Variants in TMEM132C observed in about 807,000 individuals in gnomAD.
TMEM132C encodes transmembrane protein 132C, also known as protein phosphatase 1, regulatory subunit 152.
TMEM132C carries 29 observed loss-of-function variants against 61.4 expected under a neutral mutation model. The ratio of observed to expected loss-of-function variants is 0.47; its 90% confidence interval spans 0.35 to 0.64. TMEM132C has a LOEUF of 0.64. Ranked by LOEUF, TMEM132C falls within the 30% of genes least tolerant of loss-of-function variation. The pLI, the probability that TMEM132C is intolerant of heterozygous loss-of-function variation, is 0.00. For synonymous variants in TMEM132C, 656 were observed against 633.1 expected (o/e 1.04, Z -0.54); for missense variants, 1,408 against 1,476.9 (o/e 0.95, Z 0.76).
At chr12:128,340,040 G>C (rs1243068513) in intron 1 of TMEM132C, among the ~76,000 whole-genome samples, 1 of 152,182 alleles carries the variant, frequency 6.6e-6, no homozygotes, top group African/African-American at 2.4e-5. Context: ...TTTACAGGGG[G>C]CTTCTATGTC....
chr12:128,601,204 C>T (rs559032266), intron 3 of TMEM132C, among the ~76,000 whole-genome samples: 6 of 152,206 alleles, frequency 3.9e-5, no homozygotes, highest in Non-Finnish European at 7.3e-5. Context: ...AGGCTGATAG[C>T]TTCAAAGGAT....
chr12:128,327,169 A>G (rs1398160600), intron 1 of TMEM132C, among the ~76,000 whole-genome samples: 1 of 149,974 alleles, frequency 6.7e-6, no homozygotes, highest in Non-Finnish European at 1.5e-5. Flanking sequence ...ATTGCTTAAT[A>G]AGGAAGACAG....
At chr12:128,472,528 G>A (rs1870986861) in intron 2 of TMEM132C, among the ~76,000 whole-genome samples, 1 of 152,246 alleles carries the variant, frequency 6.6e-6, no homozygotes, top group African/African-American at 2.4e-5. Context: ...GGGAACATGT[G>A]TGCACGGAGT....
intron 1 of TMEM132C, among the ~76,000 whole-genome samples, chr12:128,355,824 C>T (rs1357018996): frequency 6.6e-6 from 1 of 152,070 alleles, no homozygotes; most frequent in Non-Finnish European, 1.5e-5. Context: ...GCTCTGCCTC[C>T]TTTGGAGCTT....
intron 2 of TMEM132C, among the ~76,000 whole-genome samples, chr12:128,536,540 G>GAGAC (rs1873536608): frequency 7.0e-6 from 1 of 143,726 alleles, no homozygotes; most frequent in Non-Finnish European, 1.5e-5. Context: ...GAAAAAAAAA[G>GAGAC]AGAAGGTGGC....
rs543072932 is a variant in TMEM132C at position 128,311,122 on chromosome 12, G to A, written c.85+43635G>A. ...ACGAATACTAGTTCTAATAATAAGC[G>A]TGTGGCTTGCCACAGAGCTAATTAG... On this transcript the variant is annotated intron_variant, in intron 1 of 8. Transcript: ENST00000435159. Among the ~76,000 whole-genome samples the A allele has an allele frequency of 1.1e-4, 17 of 152,304 alleles. No homozygotes were observed. The South Asian group carries it at 3.1e-3, about 28-fold the overall frequency.
At chr12:128,477,315 T>G (rs182701623) in intron 2 of TMEM132C, among the ~76,000 whole-genome samples, 60 of 152,286 alleles carry the variant, frequency 3.9e-4, no homozygotes, top group African/African-American at 1.4e-3. Flanking sequence ...AATGTCTTCC[T>G]TATAGCAATA....
intron 4 of TMEM132C, among the ~76,000 whole-genome samples, chr12:128,650,775 G>A (rs1954260551): frequency 6.6e-6 from 1 of 152,032 alleles, no homozygotes; most frequent in African/African-American, 2.4e-5. Flanking sequence ...AGGAGATTAG[G>A]GAGTCATCAT....
chr12:128,578,967 T>C (rs1462173478), intron 3 of TMEM132C, among the ~76,000 whole-genome samples: 1 of 152,058 alleles, frequency 6.6e-6, no homozygotes, highest in Non-Finnish European at 1.5e-5. Context: ...TGACTCCAAA[T>C]AGAGGTGACT....
chr12:128,675,677 T>C (rs1336661136), intron 5 of TMEM132C, among the ~76,000 whole-genome samples: 1 of 152,018 alleles, frequency 6.6e-6, no homozygotes, highest in African/African-American at 2.4e-5. Context: ...GGCAGGTAGA[T>C]GGATAGATGG....
At chr12:128,486,202 T>G (rs1871487109) in intron 2 of TMEM132C, among the ~76,000 whole-genome samples, 2 of 152,186 alleles carry the variant, frequency 1.3e-5, no homozygotes, top group African/African-American at 4.8e-5. Flanking sequence ...TGTTGCATTT[T>G]CAGTCTTACA....
chr12:128,278,181 G>A lies in TMEM132C; in HGVS notation c.85+10694G>A, dbSNP rs1010096492. Among the ~76,000 whole-genome samples the A allele has an allele frequency of 6.6e-5, 10 of 152,130 alleles. No individual in the cohort carries two copies. Among genetic ancestry groups the A allele is most frequent in the African/African-American group, 2.2e-4 (9 of 41,436 alleles). On this transcript the variant is annotated intron_variant, in intron 1 of 8. Coordinates refer to ENST00000435159, the MANE Select transcript of TMEM132C (RefSeq NM_001136103.3). This position sits in a 1 kb window ranked among gnomAD's most constrained non-coding sequence, Gnocchi z 4.2. The stretch of plus-strand genomic sequence containing the variant: ...GATTTAGGAGAACAAAAATCTCAGG[G>A]GAAGTCTATGTTTCGGGGCATTTGT...
chr12:128,589,410 T>A lies in TMEM132C; in HGVS notation c.1122-26742T>A, dbSNP rs1875669587. ...CACCGTCCCTCTCACCCCGCCTGCC[T>A]CCCTCCCAACCCACACTGCCCGTCC... On this transcript the variant is annotated intron_variant, in intron 3 of 8. Transcript: ENST00000435159. Among the ~76,000 whole-genome samples the A allele has an allele frequency of 2.0e-5, 3 of 151,692 alleles. 1 individual carries two copies. The South Asian group carries it at 6.3e-4, about 32-fold the overall frequency.
chr12:128,320,664 T>G (rs1872301441), intron 1 of TMEM132C, among the ~76,000 whole-genome samples: 1 of 151,910 alleles, frequency 6.6e-6, no homozygotes, highest in Non-Finnish European at 1.5e-5. Context: ...AGCTAGCTAC[T>G]TGGGAGGCTG....
chr12:128,631,420 C>T (rs1043833785), intron 4 of TMEM132C, among the ~76,000 whole-genome samples: 3 of 152,222 alleles, frequency 2.0e-5, no homozygotes, highest in Non-Finnish European at 4.4e-5. Context: ...TGCAGGGAGT[C>T]ACAGTCTCTT....
intron 2 of TMEM132C, among the ~76,000 whole-genome samples, chr12:128,521,303 ATG>A (rs1872895156): frequency 1.1e-5 from 1 of 88,630 alleles, no homozygotes; most frequent in Non-Finnish European, 2.4e-5. Context: ...TTCTGTATAT[ATG>A]TGTATATATA....
rs73434682 is a variant in TMEM132C at position 128,362,924 on chromosome 12, C to T, written c.86-51808C>T. 2.3e-3 allele frequency among the ~76,000 whole-genome samples: 355 copies of T among 152,270 alleles called. 2 individuals carry two copies. The highest frequency in any genetic ancestry group is 7.9e-3 in the African/African-American group (327 of 41,554). On this transcript the variant is annotated intron_variant, in intron 1 of 8. Coordinates refer to ENST00000435159, the MANE Select transcript of TMEM132C (RefSeq NM_001136103.3). ...TATGGCAAAGTGAACGTCTAGTGGGCTTCCACCAGCTTTCAAATGAAGAAG... is the reference window on the plus strand; with the variant it reads ...TATGGCAAAGTGAACGTCTAGTGGGTTTCCACCAGCTTTCAAATGAAGAAG...
intron 2 of TMEM132C, among the ~76,000 whole-genome samples, chr12:128,537,178 G>A (rs996525565): frequency 6.6e-6 from 1 of 152,342 alleles, no homozygotes; most frequent in South Asian, 2.1e-4. Context: ...ATGAAGCAGA[G>A]GACATGAAAC....
At chr12:128,439,207 T>C (rs1244395469) in intron 2 of TMEM132C, 2 of 160,094 alleles carry the variant, frequency 1.2e-5, no homozygotes, top group Admixed American at 1.2e-4. Flanking sequence ...TGCCCATCTT[T>C]ACCTTGAAGC....
Sources: allele counts gnomAD v4.1 joint callset (sites outside exome capture counted in the v4.1 genomes callset), GRCh38; gene constraint gnomAD v4.1.1; non-coding constraint Gnocchi (gnomAD v3.1); transcripts MANE v1.5; gene names NCBI Gene and HGNC (gene_info 2026-07-23, HGNC 2026-07-21).